PTPRF: variants seen among roughly 807,000 people sequenced by gnomAD.
The protein encoded by PTPRF is receptor-type tyrosine-protein phosphatase F.
PTPRF carries 59 observed loss-of-function variants against 201.8 expected under a neutral mutation model. The ratio of observed to expected loss-of-function variants is 0.29; its 90% CI spans 0.24 to 0.36. The LOEUF is 0.36. PTPRF is among the 10% of genes least tolerant of loss of function. The pLI is 1.00. For synonymous variants in PTPRF, 1,088 were observed against 1,089.7 expected (o/e 1.00, Z 0.03); for missense variants, 2,132 against 2,690.5 (o/e 0.79, Z 4.59).
At chr1:43,524,926 G>C (rs1297398396), upstream of PTPRF, among the ~76,000 whole-genome samples, 2 of 152,220 alleles carry the variant, frequency 1.3e-5, no homozygotes, top group Non-Finnish European at 2.9e-5. Context: ...CTGGAGAACT[G>C]CGCAGAGGGC....
chr1:43,604,266 C>A, intron 16 of PTPRF, 77 bp downstream of exon 16: 1 of 1,447,668 alleles, frequency 6.9e-7, no homozygotes, highest in Non-Finnish European at 9.4e-7. Context: ...AGCCACTGAC[C>A]TCTGGCGACT....
intron 11 of PTPRF, among the ~76,000 whole-genome samples, chr1:43,597,412 G>C (rs1325461459): frequency 6.6e-6 from 1 of 152,184 alleles, no homozygotes; most frequent in East Asian, 1.9e-4. Context: ...GACACCCTGT[G>C]TGTGTGACAC....
At chr1:43,577,980 C>T (rs1161664859) in intron 6 of PTPRF, among the ~76,000 whole-genome samples, 16 of 152,276 alleles carry the variant, frequency 1.1e-4, no homozygotes, top group South Asian at 6.2e-4. Flanking sequence ...CCCACCTTGC[C>T]GCTCTGCCTT....
chr1:43,561,885 A>C (rs1314243611), intron 5 of PTPRF, among the ~76,000 whole-genome samples: 2 of 152,058 alleles, frequency 1.3e-5, no homozygotes, highest in Non-Finnish European at 2.9e-5. Context: ...AGCCATGGAC[A>C]CTGGGCACTT....
Position 43,592,597 on chromosome 1 carries a change from G to C in PTPRF, c.1809G>C (p.Gln603His). 6.3e-7 allele frequency: 1 copy of C among 1,587,062 alleles called. No homozygotes were observed. Among genetic ancestry groups the C allele is most frequent in the Non-Finnish European group, 8.6e-7 (1 of 1,166,344 alleles). The change falls in exon 11 of 34, where the codon CAG (glutamine) becomes CAC (histidine). Residue 603 changes from glutamine to histidine, a missense_variant. Coordinates refer to ENST00000359947, the MANE Select transcript of PTPRF (RefSeq NM_002840.5). Reference sequence around the variant, plus strand: ...CCACCATTGAGGCCCGCACAGCCCAGTCCAGTAAGTGTCTCCCAAGTCCGC... The same window carrying C: ...CCACCATTGAGGCCCGCACAGCCCACTCCAGTAAGTGTCTCCCAAGTCCGC... The part of the protein sequence containing the change: ...FTPTIEARTA[Q>H]STPSAPPQKV...
chr1:43,589,145 C>T (rs1416312443), intron 8 of PTPRF, 145 bp downstream of exon 8: 5 of 985,878 alleles, frequency 5.1e-6, no homozygotes, highest in African/African-American at 1.7e-5. Flanking sequence ...TGGGGTCCTC[C>T]AGCCCTTAGA....
intron 23 of PTPRF, among the ~76,000 whole-genome samples, chr1:43,614,392 T>G (rs1343270703): frequency 2.0e-5 from 3 of 152,180 alleles, no homozygotes; most frequent in African/African-American, 7.2e-5. Flanking sequence ...CTTGGAGCCC[T>G]CCACACGTTC....
intron 7 of PTPRF, among the ~76,000 whole-genome samples, chr1:43,587,882 C>T (rs1649565573): frequency 6.6e-6 from 1 of 152,204 alleles, no homozygotes; most frequent in African/African-American, 2.4e-5. Context: ...CTAGGCTGTA[C>T]CCTGGACTGA....
At chr1:43,594,981 G>C (rs190756196) in intron 11 of PTPRF, among the ~76,000 whole-genome samples, 218 of 152,278 alleles carry the variant, frequency 1.4e-3, no homozygotes, top group African/African-American at 5.1e-3. Flanking sequence ...GCTGCTGAGC[G>C]GTCAGGAGTA....
At chr1:43,612,623 C>G in intron 22 of PTPRF, 2 of 554,352 alleles carry the variant, frequency 3.6e-6, no homozygotes, top group Non-Finnish European at 6.1e-6. Flanking sequence ...CCCCTCACCG[C>G]CCCCTCCTCT....
rs557357295 is a variant in PTPRF, at chr1:43,588,925, C to T, written c.874C>T (p.Arg292Cys). 1.4e-5 allele frequency: 23 copies of T among 1,607,510 alleles called. No individual in the cohort carries two copies. In the East Asian group the frequency reaches 2.2e-4, roughly 16 times the overall value. The change falls in exon 8 of 34, where the codon CGC becomes TGC. Residue 292 changes from arginine (R) to cysteine (C), a missense_variant. By Grantham distance (180) the Arg-to-Cys change is radical. This residue lies in a region of PTPRF where 297 missense variants were observed against 454.0 expected (regional missense o/e 0.65). Transcript: ENST00000359947. This position sits in a 1 kb window ranked among gnomAD's most constrained non-coding sequence, Gnocchi z 5.3. Reference sequence around the variant, plus strand: ...CGTCCTGGAGCTCAGCAATGTCGTACGCTCTGCCAACTACACCTGTGTGGC... The same window carrying T: ...CGTCCTGGAGCTCAGCAATGTCGTATGCTCTGCCAACTACACCTGTGTGGC... ...RNVLELSNVV[R>C]SANYTCVAIS...
chr1:43,582,997 T>C (rs913874923), intron 7 of PTPRF: 3 of 915,750 alleles, frequency 3.3e-6, no homozygotes, highest in East Asian at 1.2e-4. Flanking sequence ...CTGTTTTTAC[T>C]CTCTCTGTGT....
chr1:43,552,863 C>CG (rs950259473), intron 3 of PTPRF, among the ~76,000 whole-genome samples: 12 of 140,766 alleles, frequency 8.5e-5, no homozygotes, highest in South Asian at 2.7e-4. Flanking sequence ...ATAACTAAGT[C>CG]GGGGGGGAGG....
At chr1:43,566,245 C>T (rs1017208920) in intron 5 of PTPRF, among the ~76,000 whole-genome samples, 3 of 152,254 alleles carry the variant, frequency 2.0e-5, no homozygotes, top group African/African-American at 4.8e-5. Context: ...TCCGATTTAG[C>T]TGTGTGACCT....
At position 43,535,730 on chromosome 1, in the gene PTPRF, C is replaced by T. The variant is rs544567480; in HGVS notation, c.-125-2468C>T. Among the ~76,000 whole-genome samples the T allele has an allele frequency of 3.9e-5, 6 of 152,334 alleles. No individual in the cohort carries two copies. In the South Asian group the frequency reaches 1.2e-3, roughly 32 times the overall value. On this transcript the variant is annotated intron_variant, in intron 1 of 33. Coordinates refer to ENST00000359947, the MANE Select transcript of PTPRF (RefSeq NM_002840.5). ...TGATATTGGACATGACTGTGGACTT[C>T]ACCCCTTCTGAGGCCTTCCTGGGTG...
chr1:43,563,656 C>T (rs1388981953), intron 5 of PTPRF, among the ~76,000 whole-genome samples: 3 of 152,122 alleles, frequency 2.0e-5, no homozygotes, highest in Non-Finnish European at 2.9e-5. Context: ...CCGAGAGGCC[C>T]GGCATGTGTC....
At chr1:43,576,021 A>C in intron 6 of PTPRF, 1 of 1,197,032 alleles carries the variant, frequency 8.4e-7, no homozygotes, top group Non-Finnish European at 1.1e-6. Context: ...CCCCATCCCC[A>C]TCCCAACCTC....
Position 43,622,872 on chromosome 1 carries a change from A to G in PTPRF, c.*869A>G, listed in dbSNP as rs1234169272. 6.6e-6 allele frequency: 1 copy of G among 152,588 alleles called. No homozygotes were observed. Among genetic ancestry groups the G allele is most frequent in the Non-Finnish European group, 1.5e-5 (1 of 68,070 alleles). The allele number at this position is 152,588 out of a possible 1,614,324, so 9.5% of individuals were successfully genotyped here. A position where few individuals can be genotyped will look rare whatever the true frequency, so the allele number is the denominator to read the frequency against. On this transcript the variant is annotated 3_prime_UTR_variant, in exon 34 of 34. Coordinates refer to ENST00000359947, the MANE Select transcript of PTPRF (RefSeq NM_002840.5). ...CAAAAACAAAAAACCACAAAAATAA[A>G]AAACAAAAAAAACAAAAAACCCAAG... is the stretch of plus-strand genomic sequence containing the variant.
At chr1:43,578,447 T>C (rs1224084057) in intron 6 of PTPRF, among the ~76,000 whole-genome samples, 1 of 152,082 alleles carries the variant, frequency 6.6e-6, no homozygotes, top group Non-Finnish European at 1.5e-5. Flanking sequence ...TTAGTGGGGC[T>C]GCGGGGCCAG....
Sources: gnomAD v4.1 joint callset for allele counts (sites outside exome capture counted in the v4.1 genomes callset) on GRCh38, gnomAD v4.1.1 for gene constraint, gnomAD v4.1.1 regional missense constraint, Gnocchi (gnomAD v3.1) non-coding constraint, MANE v1.5 for transcripts, NCBI Gene and HGNC (gene_info 2026-07-23, HGNC 2026-07-21) for gene names.